Variants in NDC80 observed in about 807,000 individuals in gnomAD.
NDC80 encodes the protein NDC80 kinetochore complex component, also known as kinetochore protein NDC80 homolog.
A neutral mutation model predicts 89.3 loss-of-function variants in NDC80; 69 were observed. The ratio of observed to expected loss-of-function variants is 0.77; its 90% CI spans 0.64 to 0.94. The LOEUF (loss-of-function observed/expected upper bound fraction) is 0.94, where lower values mean the gene tolerates loss of function less well. Among genes scored for constraint, NDC80 ranks in the 40% least tolerant of loss-of-function variants. The pLI is 0.00. For synonymous variants in NDC80, 243 were observed against 255.6 expected, an observed-to-expected ratio of 0.95 and a Z score of 0.47; for missense variants, 593 against 739.6, an observed-to-expected ratio of 0.80 and a Z score of 2.30.
chr18:2,583,204 C>A (rs2072586985), intron 6 of NDC80, among the ~76,000 whole-genome samples: 1 of 152,180 alleles, frequency 6.6e-6, no homozygotes, highest in African/African-American at 2.4e-5. Flanking sequence ...GTTCACAATT[C>A]TTCAGTCCTT....
intron 10 of NDC80, 139 bp downstream of exon 10, chr18:2,590,301 C>T (rs1164249355): frequency 3.5e-6 from 3 of 865,090 alleles, no homozygotes; most frequent in Non-Finnish European, 5.0e-6. Context: ...CAGTGTGTTT[C>T]GTATTTGTTT....
intron 5 of NDC80, among the ~76,000 whole-genome samples, chr18:2,578,660 G>A (rs979298459): frequency 3.9e-5 from 6 of 152,258 alleles, no homozygotes; most frequent in South Asian, 2.1e-4. Flanking sequence ...GAATTTGAGG[G>A]AACAAAAGAT....
intron 14 of NDC80, 51 bp downstream of exon 14, chr18:2,606,558 T>TG (rs1378948841): frequency 8.5e-7 from 1 of 1,175,344 alleles, no homozygotes; most frequent in African/African-American, 1.5e-5. Context: ...ATGTCATGAT[T>TG]GCTTGATGAG....
At chr18:2,589,161 G>A (rs781354163) in intron 8 of NDC80, 43 bp from the exon 9 acceptor site, 1 of 1,263,302 alleles carries the variant, frequency 7.9e-7, no homozygotes, top group Non-Finnish European at 1.2e-6. Context: ...GAATGTTCTA[G>A]GCGGATTTGA....
intron 16 of NDC80, among the ~76,000 whole-genome samples, chr18:2,612,552 G>A (rs574996149): frequency 2.0e-5 from 3 of 151,952 alleles, no homozygotes; most frequent in Non-Finnish European, 4.4e-5. Flanking sequence ...GCCTCCCAAA[G>A]TTCTGGGATT....
At position 2,614,641 on chromosome 18, in the gene NDC80, GAA is replaced by G. The variant is rs199689685; in HGVS notation, c.1792-1794_1792-1793del. 6.5e-5 allele frequency among the ~76,000 whole-genome samples: 5 copies of G among 77,516 alleles called. 1 individual carries two copies. 50.9% of individuals were successfully genotyped at this position (77,516 alleles called of 152,430 possible). The stretch of plus-strand genomic sequence containing the variant: ...AGAAAGAAAGAAAGAAAGAAAGAAA[GAA>G]AGAAAGAAAGAAATAAATTTGGCAA... On this transcript the variant is annotated intron_variant, in intron 16 of 16. Coordinates refer to ENST00000261597, the MANE Select transcript of NDC80 (RefSeq NM_006101.3).
At chr18:2,612,262 ACTTT>A (rs1438035755) in intron 16 of NDC80, among the ~76,000 whole-genome samples, 6 of 131,452 alleles carry the variant, frequency 4.6e-5, no homozygotes, top group African/African-American at 1.7e-4. Flanking sequence ...AGCACCTCTG[ACTTT>A]CTTTTCTTTC....
chr18:2,605,685 T>C (rs967542047), intron 13 of NDC80, among the ~76,000 whole-genome samples: 1 of 134,134 alleles, frequency 7.5e-6, no homozygotes, highest in African/African-American at 3.6e-5. Context: ...AACCCCTAAA[T>C]TTTTTTTTAA....
intron 7 of NDC80, 50 bp downstream of exon 7, chr18:2,585,252 G>A (rs758635427): frequency 2.2e-6 from 3 of 1,381,326 alleles, no homozygotes; most frequent in South Asian, 2.3e-5. Flanking sequence ...TGATATTATT[G>A]TGTCACTATT....
In NDC80 at chr18:2,616,420, T is replaced by A; in HGVS notation, c.1792-17T>A. 1 of 1,435,878 alleles carries A rather than the reference T, an allele frequency of 7.0e-7. No homozygotes were observed. The highest frequency in any genetic ancestry group is 9.4e-7 in the Non-Finnish European group (1 of 1,066,094). 88.9% of individuals were successfully genotyped at this position (1,435,878 alleles called of 1,614,324 possible). ...TTAATTTTTTTTACTTTAACAATTGTTAATTCTCTTCACTAGAAACATCTT... is the reference window on the plus strand; with the variant it reads ...TTAATTTTTTTTACTTTAACAATTGATAATTCTCTTCACTAGAAACATCTT... On this transcript the variant is annotated splice_polypyrimidine_tract_variant and intron_variant, in intron 16 of 16. Coordinates refer to ENST00000261597, the MANE Select transcript of NDC80 (RefSeq NM_006101.3).
intron 16 of NDC80, among the ~76,000 whole-genome samples, chr18:2,613,331 C>T (rs778869063): frequency 2.2e-4 from 33 of 152,328 alleles, no homozygotes; most frequent in Non-Finnish European, 4.6e-4. Context: ...CTTTGCTTTT[C>T]CTGTGAGACA....
At position 2,595,520 on chromosome 18, in the gene NDC80, A is replaced by T. The variant is rs1453536261; in HGVS notation, c.1120A>T (p.Asn374Tyr). The T allele has an allele frequency of 1.2e-6, 2 of 1,613,852 alleles. No individual in the cohort carries two copies. Among genetic ancestry groups the T allele is most frequent in the Non-Finnish European group, 1.7e-6 (2 of 1,179,882 alleles). Residue 374 changes from asparagine to tyrosine, a missense_variant, in exon 11 of 17, where the codon AAT becomes TAT. Asn to Tyr is a moderately radical substitution (Grantham distance 143, BLOSUM62 -2). Coordinates refer to ENST00000261597, the MANE Select transcript of NDC80 (RefSeq NM_006101.3). ...ADIERINHER[N>Y]ELQQTINKLT... ...CATTGAGCGAATAAATCATGAAAGA[A>T]ATGAATTGCAGCAGACTATTAATAA...
chr18:2,590,137 T>G lies in NDC80; in HGVS notation c.990T>G (p.Gly330=). ...CCATTCTTGACCAGAAATTAAATGG[T>G]CTCAATGAGGAAATTGCTAGAGTAG... is the stretch of plus-strand genomic sequence containing the variant. ...HSAILDQKLN[G]LNEEIARVEL... Residue 330 remains glycine, a synonymous_variant, in exon 10 of 17, where the codon GGT becomes GGG. Transcript: ENST00000261597. 1 of 1,609,342 alleles carries G rather than the reference T, an allele frequency of 6.2e-7. No homozygotes were observed. The highest frequency in any genetic ancestry group is 1.3e-5 in the African/African-American group (1 of 74,790).
chr18:2,611,262 TG>T (rs2072742931), intron 16 of NDC80, among the ~76,000 whole-genome samples: 1 of 152,172 alleles, frequency 6.6e-6, no homozygotes, highest in Admixed American at 6.5e-5. Context: ...TTGGCCAGGC[TG>T]GTCTCAAACT....
intron 16 of NDC80, among the ~76,000 whole-genome samples, chr18:2,611,250 T>C (rs180920030): frequency 1.3e-5 from 2 of 152,226 alleles, no homozygotes; most frequent in East Asian, 3.9e-4. Context: ...GGTTTCATCT[T>C]GTTGGCCAGG....
intron 13 of NDC80, among the ~76,000 whole-genome samples, chr18:2,603,917 A>G (rs1475238652): frequency 6.6e-6 from 1 of 152,248 alleles, no homozygotes; most frequent in Non-Finnish European, 1.5e-5. Context: ...TAGAGCATAA[A>G]GAGACCTAAT....
intron 14 of NDC80, 127 bp from the exon 15 acceptor site, chr18:2,608,573 G>T (rs1411965440): frequency 1.0e-6 from 1 of 983,884 alleles, no homozygotes. Flanking sequence ...AAAACAGTAA[G>T]CATCTTGAGA....
At chr18:2,591,676 T>C (rs2072628288) in intron 10 of NDC80, among the ~76,000 whole-genome samples, 1 of 152,014 alleles carries the variant, frequency 6.6e-6, no homozygotes, top group East Asian at 1.9e-4. Flanking sequence ...ATCAATGTCC[T>C]TTGTTTATTC....
intron 14 of NDC80, among the ~76,000 whole-genome samples, chr18:2,607,853 A>G (rs1186684088): frequency 6.7e-6 from 1 of 149,054 alleles, no homozygotes; most frequent in Non-Finnish European, 1.5e-5. Flanking sequence ...ACCAAATTAT[A>G]CATAGTTTTT....
Sources: gnomAD v4.1 joint callset for allele counts (sites outside exome capture counted in the v4.1 genomes callset) on GRCh38, gnomAD v4.1.1 for gene constraint, MANE v1.5 for transcripts, NCBI Gene and HGNC (gene_info 2026-07-23, HGNC 2026-07-21) for gene names.